SNX25: variants seen among roughly 807,000 people sequenced by gnomAD.
SNX25 encodes sorting nexin-25.
Under a neutral mutation model 113.7 loss-of-function variants are expected in SNX25, and 62 were observed. The observed-to-expected ratio is 0.55, with a 90% CI of 0.44 to 0.67. SNX25 has a LOEUF of 0.67. Among genes scored for constraint, SNX25 ranks in the 30% least tolerant of loss-of-function variants. The pLI, the probability that SNX25 is intolerant of heterozygous loss-of-function variation, is 0.00. For missense variants in SNX25, 1,014 were observed against 1,161.0 expected, an observed-to-expected ratio of 0.87 and a Z score of 1.84; for synonymous variants, 421 against 436.2, an observed-to-expected ratio of 0.97 and a Z score of 0.43.
intron 8 of SNX25, among the ~76,000 whole-genome samples, chr4:185,321,290 C>A (rs190593464): frequency 4.2e-5 from 6 of 143,474 alleles, no homozygotes; most frequent in African/African-American, 1.6e-4. Context: ...TGAGACGGAG[C>A]CTTACTCTTT....
intron 3 of SNX25, among the ~76,000 whole-genome samples, chr4:185,263,971 G>A (rs191055104): frequency 4.1e-4 from 62 of 152,306 alleles, no homozygotes; most frequent in African/African-American, 1.5e-3. Flanking sequence ...ATTAGATAAC[G>A]TCGAGTTTAT....
intron 1 of SNX25, among the ~76,000 whole-genome samples, chr4:185,216,812 C>T (rs1288994442): frequency 1.3e-5 from 2 of 152,070 alleles, no homozygotes; most frequent in South Asian, 2.1e-4. Context: ...TGAGCCACCT[C>T]GCCCGGCCGA....
chr4:185,237,601 A>G (rs945576954), intron 1 of SNX25, among the ~76,000 whole-genome samples: 6 of 152,100 alleles, frequency 3.9e-5, no homozygotes, highest in African/African-American at 1.4e-4. Context: ...TGGGCGCTCT[A>G]AGAGCTTTGT....
chr4:185,220,261 CTTGT>C (rs1257390576), intron 1 of SNX25, among the ~76,000 whole-genome samples: 1 of 94,544 alleles, frequency 1.1e-5, no homozygotes, highest in Non-Finnish European at 2.4e-5. Context: ...CTCTGTTCCT[CTTGT>C]TTCTTTTTTT....
At chr4:185,343,743 A>AT (rs1014937971) in intron 12 of SNX25, among the ~76,000 whole-genome samples, 1 of 152,020 alleles carries the variant, frequency 6.6e-6, no homozygotes, top group Non-Finnish European at 1.5e-5. Flanking sequence ...ATTTAGGTCC[A>AT]TTTTTCTCTT....
chr4:185,341,282 G>A (rs1163170485), intron 11 of SNX25, among the ~76,000 whole-genome samples: 1 of 152,246 alleles, frequency 6.6e-6, no homozygotes, highest in Non-Finnish European at 1.5e-5. Flanking sequence ...ATCTCCCAAT[G>A]TAAAATTTAA....
chr4:185,261,445 G>A (rs1421793228), intron 3 of SNX25, among the ~76,000 whole-genome samples: 2 of 152,108 alleles, frequency 1.3e-5, no homozygotes, highest in Non-Finnish European at 2.9e-5. Flanking sequence ...CCAAGGTGCT[G>A]GGATTACAGT....
At chr4:185,290,931 G>A (rs1288543) in intron 6 of SNX25, among the ~76,000 whole-genome samples, 69,101 of 152,032 alleles carry the variant, frequency 0.45, 15,805 homozygotes, top group East Asian at 0.55. Context: ...GGGCAGTTAC[G>A]AACGTGGTCA....
At chr4:185,333,190 G>A (rs1471353793) in intron 10 of SNX25, among the ~76,000 whole-genome samples, 1 of 152,240 alleles carries the variant, frequency 6.6e-6, no homozygotes, top group Non-Finnish European at 1.5e-5. Context: ...CAATTTGAAA[G>A]TTTAAAAATG....
rs767616367 is a variant in SNX25, at chr4:185,258,895, C to T, written c.562C>T (p.Leu188Phe). The part of the protein sequence containing the change: ...RDYILSWYGN[L>F]SRDEGQLYHL... The stretch of plus-strand genomic sequence containing the variant: ...TTACATTCTGTCCTGGTATGGAAAC[C>T]TCAGCAGAGATGAGGGACAACTTTA... Residue 188 changes from leucine (L) to phenylalanine (F), a missense_variant, in exon 3 of 19, where the codon CTC becomes TTC. Coordinates refer to ENST00000652585, the MANE Select transcript of SNX25 (RefSeq NM_001378034.2). The T allele has an allele frequency of 5.0e-6, 8 of 1,613,898 alleles. No homozygotes were observed. The African/African-American group carries it at 9.3e-5, about 19-fold the overall frequency.
chr4:185,339,604 A>G, intron 11 of SNX25, 94 bp downstream of exon 11: 4 of 1,439,134 alleles, frequency 2.8e-6, no homozygotes, highest in Non-Finnish European at 3.7e-6. Context: ...AGGGTAGAAA[A>G]CTTACACTCA....
intron 12 of SNX25, among the ~76,000 whole-genome samples, chr4:185,346,137 G>A (rs538397396): frequency 2.0e-5 from 3 of 152,350 alleles, no homozygotes; most frequent in Admixed American, 6.5e-5. Context: ...GGGATTACAG[G>A]CGTGAGCCAC....
At chr4:185,360,331 G>A (rs1201919299) in intron 16 of SNX25, among the ~76,000 whole-genome samples, 2 of 152,222 alleles carry the variant, frequency 1.3e-5, no homozygotes, top group African/African-American at 2.4e-5. Flanking sequence ...AGATAACAGT[G>A]TAGTTTGACT....
At chr4:185,319,853 G>A (rs2095106460) in intron 7 of SNX25, among the ~76,000 whole-genome samples, 1 of 152,074 alleles carries the variant, frequency 6.6e-6, no homozygotes, top group Non-Finnish European at 1.5e-5. Flanking sequence ...CATCAACTCT[G>A]ACCTTAAAAA....
intron 2 of SNX25, among the ~76,000 whole-genome samples, chr4:185,253,507 G>C (rs1165574321): frequency 7.0e-6 from 1 of 142,884 alleles, no homozygotes; most frequent in Non-Finnish European, 1.5e-5. Flanking sequence ...TTACTCTGTT[G>C]CCCAGGCTGG....
At chr4:185,279,969 G>A (rs990562882) in intron 5 of SNX25, among the ~76,000 whole-genome samples, 1 of 152,124 alleles carries the variant, frequency 6.6e-6, no homozygotes, top group Non-Finnish European at 1.5e-5. Context: ...CACCCAGGCT[G>A]GAGTGCAGTG....
At chr4:185,331,659 T>C (rs1312183712) in intron 9 of SNX25, among the ~76,000 whole-genome samples, 3 of 152,048 alleles carry the variant, frequency 2.0e-5, no homozygotes, top group Non-Finnish European at 4.4e-5. Flanking sequence ...TGGGCTCCTG[T>C]AGTACCAGCT....
At chr4:185,305,234 C>A (rs1044071698) in intron 6 of SNX25, among the ~76,000 whole-genome samples, 1 of 152,072 alleles carries the variant, frequency 6.6e-6, no homozygotes, top group Non-Finnish European at 1.5e-5. Context: ...ACAGGACAGC[C>A]CCCCACAGCT....
downstream of SNX25, among the ~76,000 whole-genome samples, chr4:185,374,793 C>T (rs544822247): frequency 6.6e-6 from 1 of 152,266 alleles, no homozygotes; most frequent in South Asian, 2.1e-4. Flanking sequence ...TATCCTGAAT[C>T]AGCACAGTTC....
Sources: allele counts gnomAD v4.1 joint callset (sites outside exome capture counted in the v4.1 genomes callset), GRCh38; gene constraint gnomAD v4.1.1; transcripts MANE v1.5; gene names NCBI Gene and HGNC (gene_info 2026-07-23, HGNC 2026-07-21).